The following MLXIP variants were observed in gnomAD, a reference collection of about 807,000 sequenced individuals.
The protein encoded by MLXIP is MLX interacting protein.
MLXIP carries 30 observed loss-of-function variants against 87.2 expected under a neutral mutation model. The observed-to-expected ratio is 0.34, with a 90% CI of 0.26 to 0.47. MLXIP has a LOEUF of 0.47. Among genes scored for constraint, MLXIP ranks in the 20% least tolerant of loss-of-function variants. The pLI, the probability that MLXIP is intolerant of heterozygous loss-of-function variation, is 1.00. For synonymous variants in MLXIP, 530 were observed against 514.0 expected (o/e 1.03, Z -0.42); for missense variants, 1,002 against 1,240.1 (o/e 0.81, Z 2.88).
At chr12:122,132,454 C>A in intron 8 of MLXIP, 71 bp downstream of exon 8, 2 of 1,265,432 alleles carry the variant, frequency 1.6e-6, no homozygotes, top group Non-Finnish European at 2.2e-6. Flanking sequence ...AGGTTTGCTG[C>A]CAGAGCAAGG....
chr12:122,133,227 C>T lies in MLXIP; in HGVS notation c.1093-121C>T, dbSNP rs1292140745. 14 of 1,115,326 alleles carry T rather than the reference C, an allele frequency of 1.3e-5. No homozygotes were observed. Among genetic ancestry groups the T allele is most frequent in the East Asian group, 7.4e-5 (3 of 40,596 alleles). The allele number at this position is 1,115,326 out of a possible 1,614,324, so 69.1% of individuals were successfully genotyped here. ...AGATCAGCAGCCATGGACGTGGAGA[C>T]GTGGCCTTTGTCCCTCTGTCCCAGC... On this transcript the variant is annotated intron_variant, in intron 8 of 16. Coordinates refer to ENST00000319080, the MANE Select transcript of MLXIP (RefSeq NM_014938.6). This position sits in a 1 kb window ranked among gnomAD's most constrained non-coding sequence, Gnocchi z 4.9.
chr12:122,104,673 G>A (rs1225427942), intron 1 of MLXIP, among the ~76,000 whole-genome samples: 4 of 148,952 alleles, frequency 2.7e-5, no homozygotes, highest in African/African-American at 9.9e-5. Context: ...TCTGCCTCCC[G>A]GGTTCAAGCA....
intron 1 of MLXIP, among the ~76,000 whole-genome samples, chr12:122,091,110 T>A (rs1200304660): frequency 6.6e-6 from 1 of 152,132 alleles, no homozygotes; most frequent in Non-Finnish European, 1.5e-5. Context: ...GGTGTGTAAA[T>A]TATGTCTCAA....
rs374459132 is a variant in MLXIP at position 122,133,361 on chromosome 12, C to T, written c.1106C>T (p.Pro369Leu). 178 of 1,563,876 alleles carry T rather than the reference C, an allele frequency of 1.1e-4. No homozygotes were observed. The highest frequency in any genetic ancestry group is 3.4e-4 in the Middle Eastern group (2 of 5,856). The change falls in exon 9 of 17, where the codon CCG becomes CTG. Residue 369 changes from proline to leucine, a missense_variant. Physicochemically the swap from Pro to Leu is moderately conservative, Grantham distance 98. Coordinates refer to ENST00000319080, the MANE Select transcript of MLXIP (RefSeq NM_014938.6). This position sits in a 1 kb window ranked among gnomAD's most constrained non-coding sequence, Gnocchi z 4.9. Reference protein sequence around the residue: ...NNPPAQESILPTTALPTVSLP... With the variant: ...NNPPAQESILLTTALPTVSLP... Reference sequence around the variant, plus strand: ...TTCCTTTTTCAGGAGAGCATCCTGCCGACCACAGCCCTCCCCACTGTGAGC... The same window carrying T: ...TTCCTTTTTCAGGAGAGCATCCTGCTGACCACAGCCCTCCCCACTGTGAGC...
rs557261506 is a variant in MLXIP, at chr12:122,116,693, A to G, written c.414-10563A>G. 9.8e-5 allele frequency among the ~76,000 whole-genome samples: 15 copies of G among 152,340 alleles called. No homozygotes were observed. The South Asian group carries it at 2.9e-3, about 29-fold the overall frequency. The stretch of plus-strand genomic sequence containing the variant: ...GACAGGAAACTTAAGAACATGCCCA[A>G]GAAGCTCCTAAAACTCAGGAGCATG... On this transcript the variant is annotated intron_variant, in intron 1 of 16. Coordinates refer to ENST00000319080, the MANE Select transcript of MLXIP (RefSeq NM_014938.6).
chr12:122,115,196 A>G (rs1257292912), intron 1 of MLXIP, among the ~76,000 whole-genome samples: 2 of 152,106 alleles, frequency 1.3e-5, no homozygotes, highest in Non-Finnish European at 2.9e-5. Flanking sequence ...ATATATTTTA[A>G]TCAATAAAAC....
At chr12:122,085,299 C>T (rs550764403) in intron 1 of MLXIP, among the ~76,000 whole-genome samples, 15 of 152,300 alleles carry the variant, frequency 9.8e-5, no homozygotes, top group South Asian at 4.2e-4. Flanking sequence ...CTTTGACTTC[C>T]GCGCTAAGCC....
At chr12:122,079,393 G>A in intron 1 of MLXIP, 127 bp downstream of exon 1, 1 of 841,660 alleles carries the variant, frequency 1.2e-6, no homozygotes, top group South Asian at 1.5e-5. Flanking sequence ...CCTCCTTCGG[G>A]AGGGTTTATG....
chr12:122,138,861 C>T lies in MLXIP; in HGVS notation c.2431C>T (p.Arg811Cys), dbSNP rs760823422. The T allele has an allele frequency of 2.5e-6, 4 of 1,614,058 alleles. No homozygotes were observed. The highest frequency in any genetic ancestry group is 2.5e-6 in the Non-Finnish European group (3 of 1,179,908). The stretch of plus-strand genomic sequence containing the variant: ...TGCCACGGGAGTCCCCGTTACCCGG[C>T]GCCAGTTTGATCACATGAAAGACAT... ...LPATGVPVTR[R>C]QFDHMKDMFD... The change falls in exon 15 of 17, where the codon CGC (arginine) becomes TGC (cysteine). Residue 811 changes from arginine to cysteine, a missense_variant. Physicochemically the swap from Arg to Cys is radical, Grantham distance 180 (BLOSUM62 -3). This residue lies in a region of MLXIP where 746 missense variants were observed against 897.0 expected (regional missense o/e 0.83). Transcript: ENST00000319080.
chr12:122,082,645 A>C (rs1000972402), intron 1 of MLXIP, among the ~76,000 whole-genome samples: 21 of 152,214 alleles, frequency 1.4e-4, no homozygotes. Flanking sequence ...TAGTGTATCT[A>C]ACCAGGGTCT....
chr12:122,114,047 A>G (rs28421373), intron 1 of MLXIP, among the ~76,000 whole-genome samples: 74,018 of 145,698 alleles, frequency 0.51, 19,139 homozygotes, highest in Middle Eastern at 0.65. Flanking sequence ...GTGTAATGGC[A>G]CAATCTTGGC....
chr12:122,079,383 C>T (rs558546905), intron 1 of MLXIP, 117 bp downstream of exon 1: 862 of 909,340 alleles, frequency 9.5e-4, no homozygotes, highest in Non-Finnish European at 1.3e-3. Context: ...TTTGGGTCTT[C>T]CTCCTTCGGG....
chr12:122,105,580 G>T (rs541927692), intron 1 of MLXIP, among the ~76,000 whole-genome samples: 2 of 152,136 alleles, frequency 1.3e-5, no homozygotes, highest in African/African-American at 4.8e-5. Flanking sequence ...CAGGTGATCT[G>T]CCTGACTCGG....
In MLXIP at chr12:122,127,435, C is replaced by T. The variant is rs1294309808; in HGVS notation, c.520+73C>T. On this transcript the variant is annotated intron_variant, in intron 2 of 16. Coordinates refer to ENST00000319080, the MANE Select transcript of MLXIP (RefSeq NM_014938.6). ...CCTGGAGGCCTGGGCACCCAGGGAC[C>T]AGAGTCTGCTCCTGGGACCTGGTGT... 7 of 1,069,364 alleles carry T rather than the reference C, an allele frequency of 6.5e-6. No individual in the cohort carries two copies. The African/African-American group carries it at 8.0e-5, about 12-fold the overall frequency. 66.2% of individuals were successfully genotyped at this position (1,069,364 alleles called of 1,614,324 possible).
chr12:122,117,615 G>A (rs1459006598), intron 1 of MLXIP, among the ~76,000 whole-genome samples: 2 of 152,178 alleles, frequency 1.3e-5, no homozygotes, highest in East Asian at 1.9e-4. Flanking sequence ...ATTGCCTTCC[G>A]CAATTAACTA....
rs139522879 is a variant in MLXIP at position 122,126,603 on chromosome 12, G to A, written c.414-653G>A. ...ACTTGGATTGTGAATGCCTCGTGGG[G>A]GCTGGTGGCAAAGCAGGCAGGCCAC... On this transcript the variant is annotated intron_variant, in intron 1 of 16. Coordinates refer to ENST00000319080, the MANE Select transcript of MLXIP (RefSeq NM_014938.6). 6.4e-3 allele frequency among the ~76,000 whole-genome samples: 975 copies of A among 152,302 alleles called. 6 individuals are homozygous for A. The highest frequency in any genetic ancestry group is 0.018 in the African/African-American group (732 of 41,572).
intron 1 of MLXIP, among the ~76,000 whole-genome samples, chr12:122,093,685 GGTGTTGGTGTGTGGGGT>G (rs1952289295): frequency 1.6e-5 from 2 of 127,258 alleles, no homozygotes; most frequent in African/African-American, 6.0e-5. Flanking sequence ...GTATGTGTGC[GGTGTTGGTGTGTGGGGT>G]GTGTTGGTGT....
At chr12:122,107,556 C>G (rs28537879) in intron 1 of MLXIP, among the ~76,000 whole-genome samples, 1,780 of 152,288 alleles carry the variant, frequency 0.012, 35 homozygotes, top group East Asian at 0.037. Context: ...CTGAGAACCT[C>G]CTGTGTTCCA....
At chr12:122,093,949 T>G (rs1408359941) in intron 1 of MLXIP, among the ~76,000 whole-genome samples, 7 of 118,732 alleles carry the variant, frequency 5.9e-5, no homozygotes, top group Non-Finnish European at 8.8e-5. Flanking sequence ...TGGGGTGTGT[T>G]GGTGTGTGTG....
Sources: gnomAD v4.1 joint callset for allele counts (sites outside exome capture counted in the v4.1 genomes callset) on GRCh38, gnomAD v4.1.1 for gene constraint, gnomAD v4.1.1 regional missense constraint, Gnocchi (gnomAD v3.1) non-coding constraint, MANE v1.5 for transcripts, NCBI Gene and HGNC (gene_info 2026-07-23, HGNC 2026-07-21) for gene names.